PALD1: variants seen among roughly 807,000 people sequenced by gnomAD.
PALD1 encodes the protein paladin.
Under a neutral mutation model 96.0 loss-of-function variants are expected in PALD1, and 57 were observed. The ratio of observed to expected loss-of-function variants is 0.59; its 90% CI spans 0.48 to 0.74. The LOEUF (loss-of-function observed/expected upper bound fraction) is 0.74, where lower values mean the gene tolerates loss of function less well. Ranked by LOEUF, PALD1 falls within the 30% of genes least tolerant of loss-of-function variation. The pLI is 0.00. For synonymous variants in PALD1, 464 were observed against 473.6 expected (o/e 0.98, Z 0.26); for missense variants, 1,063 against 1,143.7 (o/e 0.93, Z 1.02).
intron 1 of PALD1, among the ~76,000 whole-genome samples, chr10:70,521,932 A>T (rs769368928): frequency 1.8e-4 from 27 of 152,150 alleles, no homozygotes; most frequent in Non-Finnish European, 3.4e-4. Flanking sequence ...TTACAAAGGA[A>T]ATATGTTTCA....
intron 1 of PALD1, among the ~76,000 whole-genome samples, chr10:70,501,307 G>A (rs1374008699): frequency 2.0e-5 from 3 of 152,130 alleles, no homozygotes; most frequent in Non-Finnish European, 2.9e-5. Flanking sequence ...GAAGTTTCTC[G>A]GCCTCCCTGG....
chr10:70,529,207 T>TGGGGGGGGGGGGGGGGGGGGGGGCGGGG, intron 2 of PALD1, 22 bp from the exon 3 acceptor site: 1 of 391,778 alleles, frequency 2.6e-6, no homozygotes, highest in Non-Finnish European at 4.6e-6. Context: ...GTTTCCATTC[T>TGGGGGGGGGGGGGGGGGGGGGGGCGGGG]GCCCCCCCCC....
At chr10:70,460,928 G>A in the PALD1 span, among the ~76,000 whole-genome samples, 2 of 152,302 alleles carry the variant, frequency 1.3e-5, no homozygotes, top group South Asian at 2.1e-4. Flanking sequence ...GGTGGCATGC[G>A]CCTGTAATCC....
Position 70,563,408 on chromosome 10 carries a change from A to C in PALD1, c.2263-956A>C, listed in dbSNP as rs1279043070. ...CAGCGGCACTCCCACACTCTCTGGG[A>C]AATCTCTCTTTAATTGGCTTTGCTG... On this transcript the variant is annotated intron_variant, in intron 18 of 19. Transcript: ENST00000263563. 2.6e-5 allele frequency among the ~76,000 whole-genome samples: 4 copies of C among 152,298 alleles called. No homozygotes were observed. In the East Asian group the frequency reaches 7.7e-4, roughly 29 times the overall value.
At chr10:70,556,279 C>CCTCCCTCTCTCCCT (rs527928462) in intron 18 of PALD1, among the ~76,000 whole-genome samples, 23,587 of 128,494 alleles carry the variant, frequency 0.18, 2,400 homozygotes, top group Admixed American at 0.32. Context: ...GTAGCCGAGA[C>CCTCCCTCTCTCCCT]CTCTCTCTCT....
intron 3 of PALD1, 33 bp from the exon 4 acceptor site, chr10:70,529,856 C>T (rs1846955765): frequency 1.2e-6 from 2 of 1,604,530 alleles, no homozygotes; most frequent in African/African-American, 2.7e-5. Context: ...CCTGAGCCAT[C>T]TGAGTGACCT....
chr10:70,531,915 G>A (rs1847000717), intron 5 of PALD1, among the ~76,000 whole-genome samples: 2 of 150,052 alleles, frequency 1.3e-5, no homozygotes, highest in Admixed American at 6.6e-5. Flanking sequence ...CCTGGGAGGC[G>A]GAGGTTGCAG....
At chr10:70,514,381 T>C (rs897610399) in intron 1 of PALD1, among the ~76,000 whole-genome samples, 1 of 152,250 alleles carries the variant, frequency 6.6e-6, no homozygotes, top group Non-Finnish European at 1.5e-5. Context: ...ATTTTTTTTC[T>C]AGTTTAGAAA....
intron 1 of PALD1, among the ~76,000 whole-genome samples, chr10:70,490,922 A>G (rs1846086673): frequency 6.6e-6 from 1 of 152,012 alleles, no homozygotes; most frequent in Non-Finnish European, 1.5e-5. Context: ...GAATAGTGGC[A>G]TTATTGAAAT....
At chr10:70,505,082 T>C (rs147020745) in intron 1 of PALD1, among the ~76,000 whole-genome samples, 1,634 of 152,368 alleles carry the variant, frequency 0.011, 6 homozygotes, top group Middle Eastern at 0.031. Context: ...ATACATTTCA[T>C]GTCAACATTT....
At position 70,541,472 on chromosome 10, in the gene PALD1, G is replaced by A. The variant is rs547726730; in HGVS notation, c.2059G>A (p.Glu687Lys). ...AGCTGTCTTCCCTCAGGGCTTCCCC[G>A]AGGTGGGTGAGGAGGAGCTCGTGAG... ...LAFWHIQGFP[E>K]VGEEELVSVP... The change falls in exon 17 of 20, where the codon GAG becomes AAG. Residue 687 changes from glutamate to lysine, a missense_variant. Glu to Lys is a moderately conservative substitution (Grantham distance 56). Transcript: ENST00000263563. 9.3e-6 allele frequency: 15 copies of A among 1,613,874 alleles called. No homozygotes were observed. The highest frequency in any genetic ancestry group is 4.4e-5 in the South Asian group (4 of 91,050).
intron 1 of PALD1, among the ~76,000 whole-genome samples, chr10:70,524,081 G>T (rs1275593755): frequency 2.0e-5 from 3 of 152,206 alleles, no homozygotes; most frequent in Non-Finnish European, 4.4e-5. Flanking sequence ...GGGCTGGGGG[G>T]AGTGTGGATG....
chr10:70,542,263 T>C (rs1847266526), intron 17 of PALD1, among the ~76,000 whole-genome samples: 3 of 152,228 alleles, frequency 2.0e-5, no homozygotes, highest in Admixed American at 1.3e-4. Flanking sequence ...TCTTTCCTTT[T>C]TCCTTTTCTT....
chr10:70,559,954 C>G (rs1847701102), intron 18 of PALD1, among the ~76,000 whole-genome samples: 1 of 152,128 alleles, frequency 6.6e-6, no homozygotes, highest in Non-Finnish European at 1.5e-5. Flanking sequence ...GAGCGCCTGC[C>G]ACATACCAAG....
In PALD1 at chr10:70,547,457, A is replaced by AAACCCCCCCCCCCC; in HGVS notation, c.2262+11_2262+12insAACCCCCCCCCCCC. On this transcript the variant is annotated intron_variant, in intron 18 of 19. Coordinates refer to ENST00000263563, the MANE Select transcript of PALD1 (RefSeq NM_014431.3). ...TGCACCTACCGCCAGGTGAGCCCCC[A>AAACCCCCCCCCCCC]CCCCACCCCACCCCACCCTGCCCCA... 3.0e-6 allele frequency: 3 copies of AAACCCCCCCCCCCC among 1,016,462 alleles called. No individual in the cohort carries two copies. The highest frequency in any genetic ancestry group is 4.1e-6 in the Non-Finnish European group (3 of 730,174). 63.0% of individuals were successfully genotyped at this position (1,016,462 alleles called of 1,614,324 possible). A position where few individuals can be genotyped will look rare whatever the true frequency, so the allele number is the denominator to read the frequency against.
At position 70,539,510 on chromosome 10, in the gene PALD1, G is replaced by T; in HGVS notation, c.1726-70G>T. ...CCAGGGCCAGGCCTGGCCATGGCAG[G>T]CTGTGGCCTTTCAGGGCTAGCCTAG... On this transcript the variant is annotated intron_variant, in intron 14 of 19. Transcript: ENST00000263563. The surrounding 1 kb of genome is among the most constrained non-coding windows in gnomAD (Gnocchi z 4.5). 1 of 1,401,828 alleles carries T rather than the reference G, an allele frequency of 7.1e-7. No individual in the cohort carries two copies. Among genetic ancestry groups the T allele is most frequent in the Non-Finnish European group, 9.6e-7 (1 of 1,038,554 alleles). 86.8% of individuals were successfully genotyped at this position (1,401,828 alleles called of 1,614,324 possible). A position where few individuals can be genotyped will look rare whatever the true frequency, so the allele number is the denominator to read the frequency against.
At chr10:70,492,340 T>C (rs976440243) in intron 1 of PALD1, among the ~76,000 whole-genome samples, 6 of 151,966 alleles carry the variant, frequency 3.9e-5, no homozygotes, top group African/African-American at 1.4e-4. Context: ...CCTCTTTACA[T>C]CCTGCGATTT....
At chr10:70,538,511 G>C in intron 12 of PALD1, 103 bp downstream of exon 12, 1 of 1,240,084 alleles carries the variant, frequency 8.1e-7, no homozygotes, top group Non-Finnish European at 1.1e-6. Context: ...GCCCTTGCAG[G>C]AGGTGAAGAA....
Position 70,534,079 on chromosome 10 carries a change from T to C in PALD1, c.1022+6T>C, listed in dbSNP as rs1472579341. 1 of 1,592,344 alleles carries C rather than the reference T, an allele frequency of 6.3e-7. No homozygotes were observed. The highest frequency in any genetic ancestry group is 2.3e-5 in the East Asian group (1 of 44,166). The stretch of plus-strand genomic sequence containing the variant: ...GGGACCACCTCCCAGCCAGAGTGAG[T>C]GGCCCGGGGCCCAGCGTCCTGAAGG... On this transcript the variant is annotated splice_donor_region_variant and intron_variant, in intron 8 of 19. Transcript: ENST00000263563.
Sources: gnomAD v4.1 joint callset for allele counts (sites outside exome capture counted in the v4.1 genomes callset) on GRCh38, gnomAD v4.1.1 for gene constraint, Gnocchi (gnomAD v3.1) non-coding constraint, MANE v1.5 for transcripts, NCBI Gene and HGNC (gene_info 2026-07-23, HGNC 2026-07-21) for gene names.